ANKRD11: variants seen among roughly 807,000 people sequenced by gnomAD.
The protein encoded by ANKRD11 is ankyrin repeat domain 11.
A neutral mutation model predicts 195.7 loss-of-function variants in ANKRD11; 17 were observed. That is an observed-to-expected ratio of 0.09 (90% CI 0.06 to 0.13). The LOEUF (loss-of-function observed/expected upper bound fraction) is 0.13, where lower values mean the gene tolerates loss of function less well. Ranked by LOEUF, ANKRD11 falls within the 10% of genes least tolerant of loss-of-function variation. The pLI, the probability that ANKRD11 is intolerant of heterozygous loss-of-function variation, is 1.00. For missense variants in ANKRD11, 3,735 were observed against 3,566.1 expected (o/e 1.05, Z -1.21); for synonymous variants, 1,953 against 1,528.1 (o/e 1.28, Z -6.49).
intron 2 of ANKRD11, among the ~76,000 whole-genome samples, chr16:89,337,243 G>A (rs918677044): frequency 2.6e-5 from 4 of 151,622 alleles, no homozygotes; most frequent in Non-Finnish European, 5.9e-5. Context: ...ATTAATGGAG[G>A]AAGCCCCATG....
At chr16:89,366,027 A>C (rs1173678939) in intron 2 of ANKRD11, among the ~76,000 whole-genome samples, 1 of 151,894 alleles carries the variant, frequency 6.6e-6, no homozygotes, top group Admixed American at 6.6e-5. Flanking sequence ...CATGTTCCAC[A>C]AAAGACATGA....
At chr16:89,447,319 T>A (rs1288218125) in intron 1 of ANKRD11, among the ~76,000 whole-genome samples, 1 of 152,102 alleles carries the variant, frequency 6.6e-6, no homozygotes, top group African/African-American at 2.4e-5. Flanking sequence ...CAGCGACTTA[T>A]CACAAACACC....
At position 89,286,643 on chromosome 16, in the gene ANKRD11, G is replaced by A. The variant is rs921337228; in HGVS notation, c.745-457C>T. 2.4e-5 allele frequency: 29 copies of A among 1,219,182 alleles called. 1 individual carries two copies. The highest frequency in any genetic ancestry group is 2.7e-5 in the Non-Finnish European group (26 of 957,606). The allele number at this position is 1,219,182 out of a possible 1,614,324, so 75.5% of individuals were successfully genotyped here. On this transcript the variant is annotated intron_variant, in intron 7 of 12. Transcript: ENST00000301030. ...TGGAAAGGGTTGGGGGGACAGAATAGAGGAAACAAAGACCAAGTTTCTGCA... is the reference window on the plus strand; with the variant it reads ...TGGAAAGGGTTGGGGGGACAGAATAAAGGAAACAAAGACCAAGTTTCTGCA...
At chr16:89,488,450 CT>C (rs1555604249) in intron 1 of ANKRD11, among the ~76,000 whole-genome samples, 4 of 151,524 alleles carry the variant, frequency 2.6e-5, no homozygotes, top group African/African-American at 4.9e-5. Flanking sequence ...GCCCCCCCCC[CT>C]TTTTTTCTAG....
At position 89,425,814 on chromosome 16, in the gene ANKRD11, G is replaced by C. The variant is rs527439834; in HGVS notation, c.-144-7446C>G. Among the ~76,000 whole-genome samples, 3 of 152,314 alleles carry C rather than the reference G, an allele frequency of 2.0e-5. No homozygotes were observed. The South Asian group carries it at 6.2e-4, about 32-fold the overall frequency. On this transcript the variant is annotated intron_variant, in intron 1 of 12. Transcript: ENST00000301030. ...TACGCAAACTTCAGAACTGAGGTGA[G>C]CCTGAGGAGGAACTAGAAGGAAAAC...
intron 1 of ANKRD11, among the ~76,000 whole-genome samples, chr16:89,477,480 C>G (rs1179757332): frequency 6.6e-6 from 1 of 151,968 alleles, no homozygotes; most frequent in Non-Finnish European, 1.5e-5. Context: ...CTCACCCTCC[C>G]GAGTAGCTGA....
chr16:89,402,375 A>G (rs574196582), intron 2 of ANKRD11, among the ~76,000 whole-genome samples: 2 of 152,272 alleles, frequency 1.3e-5, no homozygotes, highest in South Asian at 4.2e-4. Flanking sequence ...TTGAGCGCTT[A>G]TTTAAATCGG....
At chr16:89,474,213 G>T (rs186089446) in intron 1 of ANKRD11, among the ~76,000 whole-genome samples, 1 of 152,214 alleles carries the variant, frequency 6.6e-6, no homozygotes, top group East Asian at 1.9e-4. Flanking sequence ...GATTGCAACC[G>T]GATGAAACCC....
At position 89,444,599 on chromosome 16, in the gene ANKRD11, A is replaced by G. The variant is rs146859327; in HGVS notation, c.-144-26231T>C. 2.0e-5 allele frequency among the ~76,000 whole-genome samples: 3 copies of G among 152,238 alleles called. No individual in the cohort carries two copies. The East Asian group carries it at 5.8e-4, about 29-fold the overall frequency. Reference sequence around the variant, plus strand: ...ACTGTTTCTTCTCCAAAAGCAAGGAAAAGAAAAGCTATCATGAGCCCCTTC... The same window carrying G: ...ACTGTTTCTTCTCCAAAAGCAAGGAGAAGAAAAGCTATCATGAGCCCCTTC... On this transcript the variant is annotated intron_variant, in intron 1 of 12. Transcript: ENST00000301030.
chr16:89,415,486 G>A (rs1197048935), intron 2 of ANKRD11, among the ~76,000 whole-genome samples: 2 of 146,480 alleles, frequency 1.4e-5, no homozygotes, highest in Non-Finnish European at 3.0e-5. Context: ...GGATGGTCTT[G>A]ATCTCCTGAC....
At chr16:89,352,527 TG>T (rs1373304140) in intron 2 of ANKRD11, among the ~76,000 whole-genome samples, 1 of 152,198 alleles carries the variant, frequency 6.6e-6, no homozygotes, top group East Asian at 1.9e-4. Flanking sequence ...CTCAACACAG[TG>T]AGCGAGCCCT....
At chr16:89,455,154 G>C (rs1366332754) in intron 1 of ANKRD11, among the ~76,000 whole-genome samples, 5 of 120,158 alleles carry the variant, frequency 4.2e-5, no homozygotes, top group South Asian at 3.0e-4. Context: ...TGCTGTTAGG[G>C]TTCCTCAAGC....
intron 1 of ANKRD11, among the ~76,000 whole-genome samples, chr16:89,453,600 A>T (rs533416994): frequency 6.6e-6 from 1 of 152,160 alleles, no homozygotes; most frequent in Admixed American, 6.6e-5. Context: ...GGCTAACAGA[A>T]AGGAGGCAAG....
In ANKRD11 at chr16:89,279,515, T is replaced by C. The variant is rs969115786; in HGVS notation, c.7027A>G (p.Met2343Val). 5.8e-6 allele frequency: 8 copies of C among 1,368,366 alleles called. No homozygotes were observed. The highest frequency in any genetic ancestry group is 8.0e-6 in the Non-Finnish European group (8 of 1,005,714). 84.8% of individuals were successfully genotyped at this position (1,368,366 alleles called of 1,614,324 possible). Residue 2343 changes from methionine to valine, a missense_variant, in exon 9 of 13, where the codon ATG becomes GTG. Physicochemically the swap from Met to Val is conservative, Grantham distance 21. Transcript: ENST00000301030. This position sits in a 1 kb window ranked among gnomAD's most constrained non-coding sequence, Gnocchi z 5.6. ...PQRMTRNRAQ[M>V]LANQSKQGPP... is the part of the protein sequence containing the mutation. Reference sequence around the variant, plus strand: ...CCCTGCTTGCTCTGGTTCGCGAGCATCTGCGCCCGGTTCCTGGTCATGCGC... The same window carrying C: ...CCCTGCTTGCTCTGGTTCGCGAGCACCTGCGCCCGGTTCCTGGTCATGCGC...
chr16:89,453,976 CG>C (rs1362763870), intron 1 of ANKRD11, among the ~76,000 whole-genome samples: 1 of 152,176 alleles, frequency 6.6e-6, no homozygotes, highest in Non-Finnish European at 1.5e-5. Flanking sequence ...ACCCGCACCT[CG>C]GGAGTTCCCA....
Position 89,301,487 on chromosome 16 carries a change from T to C in ANKRD11, c.226+3719A>G, listed in dbSNP as rs571121095. 37 of 397,862 alleles carry C rather than the reference T, an allele frequency of 9.3e-5. No individual in the cohort carries two copies. In the South Asian group the frequency reaches 4.4e-3, roughly 47 times the overall value. The allele number at this position is 397,862 out of a possible 1,614,324, so 24.6% of individuals were successfully genotyped here. A position where few individuals can be genotyped will look rare whatever the true frequency, so the allele number is the denominator to read the frequency against. On this transcript the variant is annotated intron_variant, in intron 4 of 12. Coordinates refer to ENST00000301030, the MANE Select transcript of ANKRD11 (RefSeq NM_013275.6). ...GGCAGGCAGAGCAGGGCAGGCAAGA[T>C]GGGCTAGAAGTCCCAGGGCAAGCTG... is the stretch of plus-strand genomic sequence containing the variant.
rs866966238 is a variant in ANKRD11 at position 89,447,827 on chromosome 16, C to T, written c.-144-29459G>A. Among the ~76,000 whole-genome samples the T allele has an allele frequency of 2.8e-4, 37 of 133,236 alleles. 1 individual carries two copies. In the Middle Eastern group the frequency reaches 0.035, roughly 126 times the overall value. 87.4% of individuals were successfully genotyped at this position (133,236 alleles called of 152,430 possible). A position where few individuals can be genotyped will look rare whatever the true frequency, so the allele number is the denominator to read the frequency against. ...TTCTTTTTTTTTTTTTTTTTGGAGA[C>T]AAAGTCTCACTCTGTCACCCAAGCT... On this transcript the variant is annotated intron_variant, in intron 1 of 12. Transcript: ENST00000301030.
Position 89,283,892 on chromosome 16 carries a change from C to T in ANKRD11, c.2650G>A (p.Asp884Asn), listed in dbSNP as rs754465717. The change falls in exon 9 of 13, where the codon GAC (aspartate) becomes AAC (asparagine). Residue 884 changes from aspartate (D) to asparagine (N), a missense_variant. Coordinates refer to ENST00000301030, the MANE Select transcript of ANKRD11 (RefSeq NM_013275.6). The surrounding 1 kb of genome is among the most constrained non-coding windows in gnomAD (Gnocchi z 4.3). ...AKLILETVKE[D>N]SKERRRDSRA... ...CTGTCCCGCCTCCTCTCCTTGCTGT[C>T]CTCCTTCACCGTCTCCAAGATGAGC... The T allele has an allele frequency of 8.1e-6, 13 of 1,614,086 alleles. No homozygotes were observed. Among genetic ancestry groups the T allele is most frequent in the South Asian group, 1.1e-5 (1 of 91,092 alleles).
intron 2 of ANKRD11, among the ~76,000 whole-genome samples, chr16:89,344,161 G>C (rs528537940): frequency 6.6e-6 from 1 of 152,178 alleles, no homozygotes; most frequent in Non-Finnish European, 1.5e-5. Context: ...GAGCACACAC[G>C]GGCAACCCTG....
Sources: allele counts gnomAD v4.1 joint callset (sites outside exome capture counted in the v4.1 genomes callset), GRCh38; gene constraint gnomAD v4.1.1; non-coding constraint Gnocchi (gnomAD v3.1); transcripts MANE v1.5; gene names NCBI Gene and HGNC (gene_info 2026-07-23, HGNC 2026-07-21).